Variants in ASPRV1 observed in about 807,000 individuals in gnomAD.
ASPRV1 encodes aspartic peptidase retroviral like 1.
ASPRV1 carries 7 observed loss-of-function variants against 11.0 expected under a neutral mutation model. The observed-to-expected ratio is 0.64, with a 90% CI of 0.36 to 1.20. The LOEUF (loss-of-function observed/expected upper bound fraction) is 1.20. Ranked by LOEUF, ASPRV1 falls within the 50% of genes most tolerant of loss-of-function variation. The pLI, the probability that ASPRV1 is intolerant of heterozygous loss-of-function variation, is 0.02. For missense variants in ASPRV1, 299 were observed against 320.0 expected (o/e 0.93, Z 0.50); for synonymous variants, 136 against 138.4 (o/e 0.98, Z 0.12).
chr2:70,033,052 G>A, the ASPRV1 span, among the ~76,000 whole-genome samples: 1 of 152,102 alleles, frequency 6.6e-6, no homozygotes, highest in Non-Finnish European at 1.5e-5. Flanking sequence ...AAAACTCCCT[G>A]AACCTCCCTA....
At chr2:69,951,857 A>G in the ASPRV1 span, among the ~76,000 whole-genome samples, 2 of 151,972 alleles carry the variant, frequency 1.3e-5, no homozygotes, top group Admixed American at 6.6e-5. Flanking sequence ...TTTTATTTTC[A>G]TAAATTGATT....
At chr2:70,049,247 G>A in the ASPRV1 span, 2 of 133,808 alleles carry the variant, frequency 1.5e-5, no homozygotes, top group Non-Finnish European at 3.1e-5. Context: ...GAATTTTGGG[G>A]GATACTATTC....
At chr2:69,951,500 T>A in the ASPRV1 span, among the ~76,000 whole-genome samples, 344 of 148,250 alleles carry the variant, frequency 2.3e-3, no homozygotes, top group African/African-American at 7.9e-3. Context: ...TATATGTATA[T>A]TTATATATAT....
the ASPRV1 span, among the ~76,000 whole-genome samples, chr2:69,954,193 C>A: frequency 9.1e-4 from 139 of 152,306 alleles, 1 homozygote; most frequent in Non-Finnish European, 1.7e-3. Context: ...TCATGGCCCA[C>A]CACAGAAGAA....
At chr2:70,057,828 T>C in the ASPRV1 span, among the ~76,000 whole-genome samples, 380 of 150,626 alleles carry the variant, frequency 2.5e-3, 2 homozygotes, top group African/African-American at 8.9e-3. Context: ...AGAGTCTCGC[T>C]CTGTGGCTAG....
At chr2:69,955,403 G>A (rs576281304), downstream of ASPRV1, among the ~76,000 whole-genome samples, 3 of 152,306 alleles carry the variant, frequency 2.0e-5, no homozygotes, top group East Asian at 3.9e-4. Context: ...CCACTCTCCC[G>A]CCAGCAGCTG....
At chr2:69,990,488 C>T in the ASPRV1 span, among the ~76,000 whole-genome samples, 1 of 151,948 alleles carries the variant, frequency 6.6e-6, no homozygotes, top group East Asian at 1.9e-4. Context: ...CCAGCCTGTT[C>T]ATTTATGTAG....
the ASPRV1 span, among the ~76,000 whole-genome samples, chr2:70,055,068 C>T: frequency 2.0e-5 from 3 of 152,068 alleles, no homozygotes; most frequent in Admixed American, 6.6e-5. Context: ...TTTGGGAGGC[C>T]GAGACAGGTG....
At chr2:69,968,918 G>A in the ASPRV1 span, among the ~76,000 whole-genome samples, 1 of 152,208 alleles carries the variant, frequency 6.6e-6, no homozygotes, top group Non-Finnish European at 1.5e-5. Flanking sequence ...CCCGCCTCGT[G>A]TCATGTACAC....
chr2:70,000,788 C>CAAAA, the ASPRV1 span, among the ~76,000 whole-genome samples: 427 of 41,906 alleles, frequency 0.01, 1 homozygote, highest in Non-Finnish European at 0.013. Context: ...GACCCTGCCT[C>CAAAA]AAAAAAAAAA....
the ASPRV1 span, among the ~76,000 whole-genome samples, chr2:70,043,563 T>C: frequency 8.5e-5 from 13 of 152,268 alleles, no homozygotes; most frequent in African/African-American, 3.1e-4. Flanking sequence ...TCATCGCTTT[T>C]TGCATGGCTT....
the ASPRV1 span, among the ~76,000 whole-genome samples, chr2:70,041,471 GA>G: frequency 4.0e-5 from 6 of 150,868 alleles, no homozygotes; most frequent in Non-Finnish European, 5.9e-5. Flanking sequence ...TTCAAGGATT[GA>G]AAAAAAAATT....
the ASPRV1 span, chr2:70,085,523 G>C: frequency 1.3e-5 from 2 of 152,264 alleles, no homozygotes; most frequent in East Asian, 1.9e-4. Flanking sequence ...CTGATTTACA[G>C]AAAAACCTGG....
the ASPRV1 span, among the ~76,000 whole-genome samples, chr2:69,973,082 G>T: frequency 1.3e-5 from 2 of 152,032 alleles, no homozygotes; most frequent in Non-Finnish European, 2.9e-5. Flanking sequence ...GCTCTCTGGG[G>T]AAAATGCATG....
At chr2:69,959,450 A>G (rs747026302), downstream of ASPRV1, among the ~76,000 whole-genome samples, 1 of 152,074 alleles carries the variant, frequency 6.6e-6, no homozygotes, top group Non-Finnish European at 1.5e-5. Context: ...AGAAAAAGAA[A>G]CAGAAATTTG....
At chr2:69,937,707 C>T in the ASPRV1 span, among the ~76,000 whole-genome samples, 3 of 152,164 alleles carry the variant, frequency 2.0e-5, no homozygotes, top group Non-Finnish European at 2.9e-5. Flanking sequence ...CTCCGCCTCC[C>T]GGGTTCAAGC....
chr2:69,940,361 T>C, the ASPRV1 span: 1 of 152,318 alleles, frequency 6.6e-6, no homozygotes, highest in East Asian at 1.9e-4. Context: ...TCACTAGACC[T>C]CTCAAGCATT....
At chr2:69,986,171 G>C in the ASPRV1 span, among the ~76,000 whole-genome samples, 1 of 152,310 alleles carries the variant, frequency 6.6e-6, no homozygotes, top group East Asian at 1.9e-4. Context: ...AGTAAGCAAG[G>C]CGTCTAATAT....
chr2:69,980,900 C>A, the ASPRV1 span, among the ~76,000 whole-genome samples: 1 of 152,226 alleles, frequency 6.6e-6, no homozygotes, highest in Non-Finnish European at 1.5e-5. Flanking sequence ...CTCAGCCTCC[C>A]GAGTAGCTGG....
Sources: gnomAD v4.1 joint callset for allele counts (sites outside exome capture counted in the v4.1 genomes callset) on GRCh38, gnomAD v4.1.1 for gene constraint, MANE v1.5 for transcripts, NCBI Gene and HGNC (gene_info 2026-07-23, HGNC 2026-07-21) for gene names.